AKR1B10: variants seen among roughly 807,000 people sequenced by gnomAD.
AKR1B10 encodes aldo-keto reductase family 1 member B10, also known as ARP.
AKR1B10 carries 39 observed loss-of-function variants against 38.9 expected under a neutral mutation model. That is an observed-to-expected ratio of 1.00 (90% CI 0.78 to 1.31). The LOEUF (loss-of-function observed/expected upper bound fraction) is 1.31, where lower values mean the gene tolerates loss of function less well. Ranked by LOEUF, AKR1B10 falls within the 50% of genes most tolerant of loss-of-function variation. The pLI, the probability that AKR1B10 is intolerant of heterozygous loss-of-function variation, is 0.00. For synonymous variants in AKR1B10, 148 were observed against 141.2 expected, an observed-to-expected ratio of 1.05 and a Z score of -0.34; for missense variants, 361 against 382.6, an observed-to-expected ratio of 0.94 and a Z score of 0.47.
At chr7:134,534,647 G>T (rs1807949971) in intron 4 of AKR1B10, among the ~76,000 whole-genome samples, 1 of 152,334 alleles carries the variant, frequency 6.6e-6, no homozygotes, top group East Asian at 1.9e-4. Flanking sequence ...GGATGTTTAT[G>T]TAGACCCACA....
Position 134,527,930 on chromosome 7 carries a change from C to A in AKR1B10, c.19C>A (p.Leu7Ile), listed in dbSNP as rs572830188. The A allele has an allele frequency of 3.6e-4, 578 of 1,613,760 alleles. 11 individuals carry two copies. In the South Asian group the frequency reaches 6.1e-3, roughly 17 times the overall value. The stretch of plus-strand genomic sequence containing the variant: ...ACCAACCATGGCCACGTTTGTGGAG[C>A]TCAGTACCAAAGCCAAGATGCCCAT... MATFVE[L>I]STKAKMPIVG... Residue 7 changes from leucine to isoleucine, a missense_variant, in exon 1 of 10, where the codon CTC becomes ATC. Leu to Ile is a conservative substitution (Grantham distance 5). Around this residue, in one of 3 missense-constraint regions of AKR1B10, gnomAD observed 220 missense variants for 216.1 expected, o/e 1.02. Coordinates refer to ENST00000359579, the MANE Select transcript of AKR1B10 (RefSeq NM_020299.5).
rs1808016758 is a variant in AKR1B10, at chr7:134,536,712, C to T, written c.492C>T (p.His164=). ...VKALGVSNFS[H]FQIEKLLNKP... is the part of the protein sequence containing the mutation. ...CCCTTGGGGTCTCCAATTTCAGCCACTTCCAGATCGAGAAGCTCTTGAACA... is the reference window on the plus strand; with the variant it reads ...CCCTTGGGGTCTCCAATTTCAGCCATTTCCAGATCGAGAAGCTCTTGAACA... Residue 164 remains histidine, a synonymous_variant, in exon 5 of 10, where the codon CAC becomes CAT. Coordinates refer to ENST00000359579, the MANE Select transcript of AKR1B10 (RefSeq NM_020299.5). 1.2e-6 allele frequency: 2 copies of T among 1,613,936 alleles called. No homozygotes were observed. The highest frequency in any genetic ancestry group is 1.7e-6 in the Non-Finnish European group (2 of 1,179,828).
chr7:134,534,149 T>C (rs981772987), intron 4 of AKR1B10, among the ~76,000 whole-genome samples: 8 of 152,214 alleles, frequency 5.3e-5, no homozygotes, highest in Non-Finnish European at 1.0e-4. Context: ...TCTTAGACAC[T>C]CTCACTCTGT....
At chr7:134,535,523 G>A in intron 4 of AKR1B10, 1 of 799,290 alleles carries the variant, frequency 1.3e-6, no homozygotes, top group Non-Finnish European at 1.5e-6. Flanking sequence ...GCTTATCCCT[G>A]CCTCTGAGCT....
At chr7:134,539,111 T>C (rs780906451) in intron 9 of AKR1B10, 94 bp downstream of exon 9, 22 of 1,484,212 alleles carry the variant, frequency 1.5e-5, no homozygotes, top group Non-Finnish European at 2.0e-5. Flanking sequence ...CTGGGACTAC[T>C]TGTGTCTTCA....
intron 2 of AKR1B10, 146 bp downstream of exon 2, chr7:134,530,956 C>T (rs1360599541): frequency 6.7e-6 from 8 of 1,195,240 alleles, no homozygotes; most frequent in South Asian, 1.6e-5. Context: ...ACAACACTAT[C>T]CATACTCCAA....
chr7:134,531,585 G>A (rs925188630), intron 2 of AKR1B10, among the ~76,000 whole-genome samples: 2 of 152,186 alleles, frequency 1.3e-5, no homozygotes, highest in African/African-American at 2.4e-5. Context: ...CACAATTCCT[G>A]CTCTCAGAGA....
chr7:134,537,956 A>C (rs535907751), intron 7 of AKR1B10, among the ~76,000 whole-genome samples: 3 of 151,748 alleles, frequency 2.0e-5, no homozygotes, highest in Non-Finnish European at 2.9e-5. Context: ...GATCAGCCTT[A>C]TGACCCCCAA....
In AKR1B10 at chr7:134,527,919, C is replaced by A; in HGVS notation, c.8C>A (p.Thr3Lys). ...ATCATTTCTGCACCAACCATGGCCA[C>A]GTTTGTGGAGCTCAGTACCAAAGCC... MA[T>K]FVELSTKAKM... The change falls in exon 1 of 10, where the codon ACG becomes AAG. Residue 3 changes from threonine to lysine, a missense_variant. This residue lies in a region of AKR1B10 where 220 missense variants were observed against 216.1 expected (regional missense o/e 1.02). Coordinates refer to ENST00000359579, the MANE Select transcript of AKR1B10 (RefSeq NM_020299.5). 6.2e-7 allele frequency: 1 copy of A among 1,613,498 alleles called. No individual in the cohort carries two copies. The highest frequency in any genetic ancestry group is 1.3e-5 in the African/African-American group (1 of 74,988).
intron 9 of AKR1B10, 91 bp from the exon 10 acceptor site, chr7:134,540,956 G>C: frequency 1.1e-6 from 1 of 919,686 alleles, no homozygotes; most frequent in East Asian, 2.5e-5. Flanking sequence ...AAATATGATA[G>C]AGTCCACCAG....
intron 8 of AKR1B10, 141 bp downstream of exon 8, chr7:134,538,418 A>T: frequency 3.5e-6 from 3 of 849,288 alleles, no homozygotes; most frequent in Non-Finnish European, 5.6e-6. Flanking sequence ...CAGCCCAGGG[A>T]GCTAGGGTCA....
At chr7:134,529,468 A>C (rs541094256) in intron 1 of AKR1B10, among the ~76,000 whole-genome samples, 1 of 152,326 alleles carries the variant, frequency 6.6e-6, no homozygotes, top group South Asian at 2.1e-4. Flanking sequence ...TTATGAAGGG[A>C]GCTGTCTTCA....
chr7:134,528,644 G>C (rs747458678), intron 1 of AKR1B10, among the ~76,000 whole-genome samples: 3 of 152,122 alleles, frequency 2.0e-5, no homozygotes, highest in Non-Finnish European at 2.9e-5. Context: ...ATTGAGTGTT[G>C]AGCCTGAGGG....
intron 1 of AKR1B10, among the ~76,000 whole-genome samples, chr7:134,529,483 G>T (rs1233146148): frequency 3.3e-5 from 5 of 152,168 alleles, no homozygotes; most frequent in Non-Finnish European, 7.3e-5. Context: ...TCTTCAACAC[G>T]TGGGGATGAT....
rs765301494 is a variant in AKR1B10 at position 134,527,864 on chromosome 7, G to C, written c.-48G>C. 100 of 1,611,652 alleles carry C rather than the reference G, an allele frequency of 6.2e-5. No homozygotes were observed. Among genetic ancestry groups the C allele is most frequent in the Non-Finnish European group, 8.2e-5 (97 of 1,179,674 alleles). ...GTCTCAAAAACAGCAACAGAGAGCA[G>C]GACGTGAGACTTCTACCTGCTCACT... is the stretch of plus-strand genomic sequence containing the variant. On this transcript the variant is annotated 5_prime_UTR_variant, in exon 1 of 10. Coordinates refer to ENST00000359579, the MANE Select transcript of AKR1B10 (RefSeq NM_020299.5).
chr7:134,528,353 G>A (rs749632036), intron 1 of AKR1B10, among the ~76,000 whole-genome samples: 4 of 152,270 alleles, frequency 2.6e-5, no homozygotes, highest in East Asian at 3.9e-4. Context: ...TGCAGAGCCC[G>A]AAGTCCTTGG....
rs762021368 is a variant in AKR1B10 at position 134,538,303 on chromosome 7, G to T, written c.825+26G>T. On this transcript the variant is annotated intron_variant, in intron 8 of 9. Transcript: ENST00000359579. ...GTAAGTTTCCGGCTGGTCGGCCCTGGTATTCCTCAGTGGAGTGGGGGACAG... is the reference window on the plus strand; with the variant it reads ...GTAAGTTTCCGGCTGGTCGGCCCTGTTATTCCTCAGTGGAGTGGGGGACAG... 1.1e-5 allele frequency: 18 copies of T among 1,598,186 alleles called. No homozygotes were observed. In the South Asian group the frequency reaches 2.0e-4, roughly 18 times the overall value.
intron 4 of AKR1B10, among the ~76,000 whole-genome samples, chr7:134,534,569 G>A (rs75156209): frequency 0.062 from 9,427 of 152,276 alleles, 489 homozygotes; most frequent in African/African-American, 0.13. Context: ...TGAAAGGCAT[G>A]AAAAGATAGC....
intron 5 of AKR1B10, 69 bp from the exon 6 acceptor site, chr7:134,536,982 T>C: frequency 6.4e-7 from 1 of 1,555,050 alleles, no homozygotes; most frequent in Non-Finnish European, 8.7e-7. Flanking sequence ...TTTTTGTGTG[T>C]AGAACTCCCT....
Sources: gnomAD v4.1 joint callset for allele counts (sites outside exome capture counted in the v4.1 genomes callset) on GRCh38, gnomAD v4.1.1 for gene constraint, gnomAD v4.1.1 regional missense constraint, MANE v1.5 for transcripts, NCBI Gene and HGNC (gene_info 2026-07-23, HGNC 2026-07-21) for gene names.